The following TPST1 variants were observed in gnomAD, a reference collection of about 807,000 sequenced individuals.
TPST1 encodes the protein tyrosylprotein sulfotransferase 1, also known as protein-tyrosine sulfotransferase 1.
TPST1 carries 20 observed loss-of-function variants against 34.8 expected under a neutral mutation model. That is an observed-to-expected ratio of 0.57 (90% CI 0.40 to 0.84). TPST1 has a LOEUF of 0.84. TPST1 is among the 40% of genes least tolerant of loss of function. The pLI is 0.00. For missense variants in TPST1, 353 were observed against 455.5 expected (o/e 0.78, Z 2.05); for synonymous variants, 152 against 159.4 (o/e 0.95, Z 0.35).
chr7:66,317,259 G>C (rs990107208), intron 3 of TPST1, among the ~76,000 whole-genome samples: 4 of 151,796 alleles, frequency 2.6e-5, no homozygotes, highest in African/African-American at 9.7e-5. Flanking sequence ...ATACAGTTTT[G>C]GTGGGGGGTT....
At chr7:66,305,830 G>A (rs1791411836) in intron 3 of TPST1, among the ~76,000 whole-genome samples, 1 of 152,170 alleles carries the variant, frequency 6.6e-6, no homozygotes, top group Non-Finnish European at 1.5e-5. Context: ...TATCAATTTT[G>A]ATAAATTGTA....
intron 4 of TPST1, among the ~76,000 whole-genome samples, chr7:66,356,093 A>G (rs1159580217): frequency 6.6e-6 from 1 of 152,140 alleles, no homozygotes; most frequent in East Asian, 1.9e-4. Flanking sequence ...ACACACGTAG[A>G]AAAGGGCCCA....
intron 2 of TPST1, among the ~76,000 whole-genome samples, chr7:66,251,546 G>C (rs1790261840): frequency 6.6e-6 from 1 of 152,158 alleles, no homozygotes; most frequent in Non-Finnish European, 1.5e-5. Context: ...AGGTAGTCTT[G>C]AAGTCATGAA....
At chr7:66,311,589 C>T (rs1421405146) in intron 3 of TPST1, among the ~76,000 whole-genome samples, 2 of 152,202 alleles carry the variant, frequency 1.3e-5, no homozygotes, top group Non-Finnish European at 2.9e-5. Flanking sequence ...GATTATTAAA[C>T]AAGCAATTAC....
intron 2 of TPST1, among the ~76,000 whole-genome samples, chr7:66,276,831 GTTC>G (rs1164834170): frequency 7.2e-5 from 11 of 151,882 alleles, no homozygotes; most frequent in East Asian, 3.9e-4. Context: ...CTATAGGAAT[GTTC>G]TTCTTCTTCT....
intron 2 of TPST1, among the ~76,000 whole-genome samples, chr7:66,271,034 AC>A (rs1790693872): frequency 1.3e-5 from 2 of 152,168 alleles, no homozygotes; most frequent in South Asian, 4.1e-4. Flanking sequence ...CATAATAAAT[AC>A]TTGATTCTTT....
At chr7:66,224,901 C>CTTTTTTTTTTTTTTTTTTTTTTT (rs780952403) in intron 1 of TPST1, among the ~76,000 whole-genome samples, 2 of 42,410 alleles carry the variant, frequency 4.7e-5, no homozygotes, top group African/African-American at 1.1e-4. Context: ...TTCTGGTATT[C>CTTTTTTTTTTTTTTTTTTTTTTT]TTTTTTTTTT....
chr7:66,294,162 T>C (rs1791144570), intron 3 of TPST1, among the ~76,000 whole-genome samples: 1 of 152,226 alleles, frequency 6.6e-6, no homozygotes, highest in African/African-American at 2.4e-5. Flanking sequence ...ACTGAAATTC[T>C]GTACCCATAC....
chr7:66,221,387 G>T (rs923827697), intron 1 of TPST1, among the ~76,000 whole-genome samples: 1 of 152,176 alleles, frequency 6.6e-6, no homozygotes, highest in Non-Finnish European at 1.5e-5. Flanking sequence ...CTACATAAAG[G>T]TTCCCTGGTT....
intron 1 of TPST1, among the ~76,000 whole-genome samples, chr7:66,216,263 G>A (rs181837946): frequency 4.0e-5 from 6 of 151,814 alleles, no homozygotes; most frequent in African/African-American, 4.8e-5. Flanking sequence ...TGGTAGTTAC[G>A]TCTCCTTTTC....
chr7:66,254,019 A>AAT (rs1554345372), intron 2 of TPST1, among the ~76,000 whole-genome samples: 11 of 150,674 alleles, frequency 7.3e-5, no homozygotes, highest in Admixed American at 1.3e-4. Context: ...AAAAAAAAAA[A>AAT]AGAAAGAAAG....
chr7:66,331,423 G>A (rs1040772475), intron 3 of TPST1, among the ~76,000 whole-genome samples: 2 of 152,084 alleles, frequency 1.3e-5, no homozygotes, highest in Non-Finnish European at 2.9e-5. Context: ...CCTATAACTT[G>A]TAAAACCTTG....
chr7:66,314,410 G>T (rs1791593215), intron 3 of TPST1, among the ~76,000 whole-genome samples: 1 of 152,204 alleles, frequency 6.6e-6, no homozygotes, highest in South Asian at 2.1e-4. Context: ...AGCTGCAGGA[G>T]GCTGAGGTGG....
chr7:66,315,900 C>A (rs528811557), intron 3 of TPST1, among the ~76,000 whole-genome samples: 4 of 152,254 alleles, frequency 2.6e-5, no homozygotes, highest in East Asian at 1.9e-4. Flanking sequence ...CACCTGAGGT[C>A]TGGAGTTCGA....
chr7:66,355,994 G>A (rs958788810), intron 4 of TPST1, among the ~76,000 whole-genome samples: 3 of 148,774 alleles, frequency 2.0e-5, no homozygotes, highest in African/African-American at 7.4e-5. Context: ...AGCTGTGATT[G>A]TGCCACTGCA....
intron 3 of TPST1, among the ~76,000 whole-genome samples, chr7:66,343,621 G>A (rs2088653): frequency 0.67 from 101,166 of 152,066 alleles, 34,015 homozygotes; most frequent in African/African-American, 0.76. Context: ...AGTAAACACA[G>A]CCCAACTCTT....
At chr7:66,345,940 T>C (rs1484156132) in intron 3 of TPST1, among the ~76,000 whole-genome samples, 1 of 152,086 alleles carries the variant, frequency 6.6e-6, no homozygotes, top group Non-Finnish European at 1.5e-5. Flanking sequence ...AATAATATTT[T>C]TGTACCCTAT....
intron 3 of TPST1, among the ~76,000 whole-genome samples, chr7:66,313,520 C>G (rs1006345334): frequency 6.6e-6 from 1 of 152,098 alleles, no homozygotes. Flanking sequence ...GGCAGTGATC[C>G]TTAGCTTATG....
intron 1 of TPST1, among the ~76,000 whole-genome samples, chr7:66,224,346 A>G (rs1789605534): frequency 6.6e-6 from 1 of 152,192 alleles, no homozygotes; most frequent in Non-Finnish European, 1.5e-5. Flanking sequence ...TACAGACTGG[A>G]CTTTAGTCAG....
Sources: gnomAD v4.1 joint callset for allele counts (sites outside exome capture counted in the v4.1 genomes callset) on GRCh38, gnomAD v4.1.1 for gene constraint, MANE v1.5 for transcripts, NCBI Gene and HGNC (gene_info 2026-07-23, HGNC 2026-07-21) for gene names.